Variants in ADAMTSL3 observed in about 807,000 individuals in gnomAD.
ADAMTSL3 encodes the protein ADAMTS-like protein 3.
In ADAMTSL3, 128 loss-of-function variants were observed where a neutral mutation model predicts 201.7. The observed-to-expected ratio is 0.63, with a 90% CI of 0.55 to 0.73. The LOEUF is 0.73. Among genes scored for constraint, ADAMTSL3 ranks in the 30% least tolerant of loss-of-function variants. The probability of loss-of-function intolerance (pLI) is 0.00; values close to 1 mark genes in which losing one functional copy is unlikely to be tolerated. For synonymous variants in ADAMTSL3, 738 were observed against 748.4 expected, an observed-to-expected ratio of 0.99 and a Z score of 0.23; for missense variants, 1,990 against 2,119.6, an observed-to-expected ratio of 0.94 and a Z score of 1.20.
intron 19 of ADAMTSL3, among the ~76,000 whole-genome samples, chr15:83,958,033 A>G (rs2066893179): frequency 6.6e-6 from 1 of 152,208 alleles, no homozygotes. Context: ...AACAGAGGTA[A>G]TTTTAACAAA....
At chr15:83,692,414 G>T (rs763647752) in intron 2 of ADAMTSL3, among the ~76,000 whole-genome samples, 11 of 151,848 alleles carry the variant, frequency 7.2e-5, no homozygotes, top group Non-Finnish European at 1.5e-4. Flanking sequence ...GGCTGGGCAC[G>T]GTGGCTCACA....
At chr15:83,868,338 T>C (rs1006426932) in intron 8 of ADAMTSL3, among the ~76,000 whole-genome samples, 2 of 152,318 alleles carry the variant, frequency 1.3e-5, no homozygotes, top group South Asian at 4.1e-4. Flanking sequence ...CATAAGTCAA[T>C]ACATCATCTG....
At chr15:83,935,044 G>A (rs1242565044) in intron 17 of ADAMTSL3, among the ~76,000 whole-genome samples, 3 of 152,156 alleles carry the variant, frequency 2.0e-5, no homozygotes, top group African/African-American at 4.8e-5. Context: ...GACTCAGACA[G>A]GTGGGAAGAG....
intron 2 of ADAMTSL3, among the ~76,000 whole-genome samples, chr15:83,700,998 G>A (rs905557911): frequency 2.0e-5 from 3 of 152,140 alleles, no homozygotes; most frequent in African/African-American, 4.8e-5. Flanking sequence ...ACGTTTTAGC[G>A]TAAACTATAG....
chr15:83,910,837 G>A (rs1010466105), intron 15 of ADAMTSL3, among the ~76,000 whole-genome samples: 5 of 146,784 alleles, frequency 3.4e-5, no homozygotes, highest in African/African-American at 1.3e-4. Flanking sequence ...ACGGAGTTTC[G>A]CCATGTTGGC....
intron 21 of ADAMTSL3, among the ~76,000 whole-genome samples, chr15:83,986,499 A>G (rs144248745): frequency 5.3e-5 from 8 of 152,206 alleles, no homozygotes; most frequent in Non-Finnish European, 8.8e-5. Flanking sequence ...AAGCAATTTC[A>G]TATGTCTAAT....
chr15:83,864,475 A>T (rs927304403), intron 8 of ADAMTSL3, among the ~76,000 whole-genome samples: 6 of 152,208 alleles, frequency 3.9e-5, no homozygotes, highest in African/African-American at 1.4e-4. Context: ...AAATCAATAA[A>T]CGTAATCCAG....
chr15:83,941,660 T>A (rs2066562946), intron 17 of ADAMTSL3, among the ~76,000 whole-genome samples: 1 of 152,236 alleles, frequency 6.6e-6, no homozygotes, highest in Non-Finnish European at 1.5e-5. Context: ...TGGACAGTTA[T>A]TTTCTGCTAT....
chr15:83,777,553 A>G (rs758359750), intron 4 of ADAMTSL3, among the ~76,000 whole-genome samples: 1 of 152,100 alleles, frequency 6.6e-6, no homozygotes, highest in African/African-American at 2.4e-5. Flanking sequence ...GGCTGAATCC[A>G]CCTTATACTA....
intron 25 of ADAMTSL3, 103 bp from the exon 26 acceptor site, chr15:84,021,307 A>T: frequency 7.5e-7 from 1 of 1,329,520 alleles, no homozygotes. Flanking sequence ...TATGCTACTT[A>T]AAGAACCAAA....
chr15:83,803,704 G>A lies in ADAMTSL3; in HGVS notation c.318-946G>A, dbSNP rs2063557005. Among the ~76,000 whole-genome samples the A allele has an allele frequency of 1.3e-5, 2 of 152,190 alleles. 1 individual carries two copies. Among genetic ancestry groups the A allele is most frequent in the South Asian group, 4.1e-4 (2 of 4,824 alleles). ...GAAAACTCTGCCTGGAAAATGAGTG[G>A]CAGGGTCGCAGAGCTAGTGGCTGTA... On this transcript the variant is annotated intron_variant, in intron 4 of 29. Transcript: ENST00000286744.
chr15:83,744,876 A>G (rs2062518767), intron 3 of ADAMTSL3, among the ~76,000 whole-genome samples: 1 of 152,140 alleles, frequency 6.6e-6, no homozygotes, highest in Admixed American at 6.5e-5. Flanking sequence ...TTTGTTTATT[A>G]TATCGATGGG....
At chr15:83,837,030 C>CT (rs1268857514) in intron 6 of ADAMTSL3, among the ~76,000 whole-genome samples, 1 of 151,912 alleles carries the variant, frequency 6.6e-6, no homozygotes, top group Non-Finnish European at 1.5e-5. Context: ...AAGACATGAC[C>CT]TTTTTTCTCA....
chr15:83,737,458 T>C (rs184565894), intron 3 of ADAMTSL3, among the ~76,000 whole-genome samples: 2 of 152,286 alleles, frequency 1.3e-5, no homozygotes, highest in Admixed American at 1.3e-4. Flanking sequence ...GTTTTATAAG[T>C]GTTTGGCAAG....
chr15:84,030,872 TAGTG>T (rs1287331326), intron 27 of ADAMTSL3, among the ~76,000 whole-genome samples: 2 of 152,178 alleles, frequency 1.3e-5, no homozygotes, highest in African/African-American at 2.4e-5. Flanking sequence ...ATTCTCATGA[TAGTG>T]AGTGAGTTCT....
intron 7 of ADAMTSL3, among the ~76,000 whole-genome samples, chr15:83,840,365 A>T (rs2064349919): frequency 6.6e-6 from 1 of 152,228 alleles, no homozygotes; most frequent in African/African-American, 2.4e-5. Context: ...AACAAGAGTG[A>T]TTTTGATGAA....
chr15:83,985,100 A>AT (rs760871125), intron 21 of ADAMTSL3, among the ~76,000 whole-genome samples: 2 of 152,132 alleles, frequency 1.3e-5, no homozygotes, highest in Non-Finnish European at 2.9e-5. Flanking sequence ...CCCATACAAG[A>AT]TTTTTTAACA....
At chr15:83,907,788 A>T (rs1269560457) in intron 15 of ADAMTSL3, among the ~76,000 whole-genome samples, 2 of 152,186 alleles carry the variant, frequency 1.3e-5, no homozygotes, top group Non-Finnish European at 2.9e-5. Flanking sequence ...GTAGGTGAGA[A>T]CTTAGGTTGA....
chr15:83,825,603 TG>T lies in ADAMTSL3; in HGVS notation c.600+5557del, dbSNP rs376545457. 3.4e-3 allele frequency among the ~76,000 whole-genome samples: 525 copies of T among 152,190 alleles called. 3 individuals are homozygous for T. The highest frequency in any genetic ancestry group is 0.012 in the African/African-American group (496 of 41,520). ...CACTGTACTCCAGCCTATGATAGGG[TG>T]AGACCCTGTTTCTAAAAAATAAAAA... On this transcript the variant is annotated intron_variant, in intron 6 of 29. Coordinates refer to ENST00000286744, the MANE Select transcript of ADAMTSL3 (RefSeq NM_207517.3).
Sources: gnomAD v4.1 joint callset for allele counts (sites outside exome capture counted in the v4.1 genomes callset) on GRCh38, gnomAD v4.1.1 for gene constraint, MANE v1.5 for transcripts, NCBI Gene and HGNC (gene_info 2026-07-23, HGNC 2026-07-21) for gene names.